The following FOXP1 variants were observed in gnomAD, a reference collection of about 807,000 sequenced individuals.
FOXP1 encodes forkhead box protein P1.
Under a neutral mutation model 98.2 loss-of-function variants are expected in FOXP1, and 15 were observed. The ratio of observed to expected loss-of-function variants is 0.15; its 90% CI spans 0.10 to 0.24. The LOEUF (loss-of-function observed/expected upper bound fraction) is 0.24, where lower values mean the gene tolerates loss of function less well. Ranked by LOEUF, FOXP1 falls within the 10% of genes least tolerant of loss-of-function variation. FOXP1 has a pLI of 1.00. For missense variants in FOXP1, 633 were observed against 848.5 expected (o/e 0.75, Z 3.15); for synonymous variants, 371 against 314.5 (o/e 1.18, Z -1.90).
chr3:71,020,353 T>C (rs1486273215), intron 11 of FOXP1, among the ~76,000 whole-genome samples: 1 of 152,214 alleles, frequency 6.6e-6, no homozygotes, highest in African/African-American at 2.4e-5. Flanking sequence ...TTCTATTTAT[T>C]TTTTTCTGCA....
At chr3:70,979,426 T>C (rs947108092) in intron 14 of FOXP1, among the ~76,000 whole-genome samples, 6 of 151,772 alleles carry the variant, frequency 4.0e-5, no homozygotes, top group Admixed American at 2.0e-4. Context: ...CCAAAATTTG[T>C]TGCAACAGAA....
intron 11 of FOXP1, among the ~76,000 whole-genome samples, chr3:71,037,662 A>C (rs1165738702): frequency 1.3e-5 from 2 of 152,210 alleles, no homozygotes; most frequent in Non-Finnish European, 2.9e-5. Flanking sequence ...CAATGAATTT[A>C]TATACAATCA....
intron 2 of FOXP1, among the ~76,000 whole-genome samples, chr3:71,524,541 A>T (rs867297502): frequency 8.2e-4 from 19 of 23,106 alleles, no homozygotes; most frequent in Non-Finnish European, 1.9e-3. Flanking sequence ...ATAAATCTTA[A>T]AAAAAAAAAA....
intron 5 of FOXP1, among the ~76,000 whole-genome samples, chr3:71,251,708 G>A (rs2068202112): frequency 6.6e-6 from 1 of 152,168 alleles, no homozygotes; most frequent in Non-Finnish European, 1.5e-5. Flanking sequence ...TCAACAAAGT[G>A]CGTTGGAGTT....
intron 4 of FOXP1, among the ~76,000 whole-genome samples, chr3:71,317,213 T>C (rs2075130233): frequency 6.6e-6 from 1 of 152,176 alleles, no homozygotes; most frequent in Non-Finnish European, 1.5e-5. Flanking sequence ...CTAAAATATA[T>C]AGGAAAGGAA....
In FOXP1 at chr3:71,262,264, C is replaced by CAAA. The variant is rs71104433; in HGVS notation, c.-12+37553_-12+37555dup. Reference sequence around the variant, plus strand: ...CTGGCAACAGGACAAGACTCTGTCACAAAAAAAAAAAAAAAAAAAAAAAAA... The same window carrying CAAA: ...CTGGCAACAGGACAAGACTCTGTCACAAAAAAAAAAAAAAAAAAAAAAAAAAAA... On this transcript the variant is annotated intron_variant, in intron 5 of 20. Coordinates refer to ENST00000649528, the MANE Select transcript of FOXP1 (RefSeq NM_001349338.3). Among the ~76,000 whole-genome samples the CAAA allele has an allele frequency of 1.6e-3, 42 of 25,712 alleles. 11 individuals are homozygous for CAAA. Among genetic ancestry groups the CAAA allele is most frequent in the Admixed American group, 1.5e-3 (2 of 1,340 alleles). The allele number at this position is 25,712 out of a possible 152,430, so 16.9% of individuals were successfully genotyped here.
intron 12 of FOXP1, among the ~76,000 whole-genome samples, chr3:71,013,737 T>G (rs1477493611): frequency 6.6e-6 from 1 of 152,192 alleles, no homozygotes; most frequent in East Asian, 1.9e-4. Flanking sequence ...TCACACTACC[T>G]GACTTCAAAC....
intron 4 of FOXP1, among the ~76,000 whole-genome samples, chr3:71,306,652 A>C (rs1388594951): frequency 6.7e-6 from 1 of 150,168 alleles, no homozygotes; most frequent in African/African-American, 2.5e-5. Flanking sequence ...AAAAAAAAAA[A>C]AAAACGCTAC....
chr3:70,966,142 C>T (rs1355136359), intron 19 of FOXP1, 86 bp from the exon 20 acceptor site: 2 of 1,180,944 alleles, frequency 1.7e-6, no homozygotes, highest in East Asian at 4.7e-5. Flanking sequence ...CGATAATCTT[C>T]AGTTTGAGTT....
chr3:70,977,571 T>C, intron 16 of FOXP1, 72 bp downstream of exon 16: 1 of 1,318,726 alleles, frequency 7.6e-7, no homozygotes. Context: ...TTTTTAAATC[T>C]ACTTCATCAA....
intron 6 of FOXP1, among the ~76,000 whole-genome samples, chr3:71,193,154 T>G (rs1264422887): frequency 6.7e-6 from 1 of 150,036 alleles, no homozygotes; most frequent in African/African-American, 2.5e-5. Context: ...TGTTTATTTG[T>G]GTTTTTTTTT....
chr3:71,146,083 T>C (rs1010503320), intron 6 of FOXP1, among the ~76,000 whole-genome samples: 2 of 152,114 alleles, frequency 1.3e-5, no homozygotes, highest in African/African-American at 4.8e-5. Context: ...GGGCCCAGCG[T>C]CTTGAGTGCA....
intron 7 of FOXP1, among the ~76,000 whole-genome samples, chr3:71,098,022 T>A (rs577205467): frequency 6.6e-6 from 1 of 152,220 alleles, no homozygotes; most frequent in African/African-American, 2.4e-5. Context: ...GTAGGCTGCA[T>A]TTAACATTAG....
At chr3:71,583,018 C>G (rs1329019500) in intron 1 of FOXP1, among the ~76,000 whole-genome samples, 2 of 152,016 alleles carry the variant, frequency 1.3e-5, no homozygotes, top group Non-Finnish European at 2.9e-5. Flanking sequence ...AACTTTGGGC[C>G]TAGGAGGCGC....
rs78748570 is a variant in FOXP1 at position 71,147,859 on chromosome 3, C to T, written c.181-35222G>A. Among the ~76,000 whole-genome samples, 972 of 151,800 alleles carry T rather than the reference C, an allele frequency of 6.4e-3. 70 individuals carry two copies. In the East Asian group the frequency reaches 0.14, roughly 22 times the overall value. On this transcript the variant is annotated intron_variant, in intron 6 of 20. Coordinates refer to ENST00000649528, the MANE Select transcript of FOXP1 (RefSeq NM_001349338.3). ...GGGAATGCATTTTCAAATGTAATTA[C>T]GAAAAATTTAGGAACCATAAAGAAA...
intron 3 of FOXP1, among the ~76,000 whole-genome samples, chr3:71,437,040 C>G (rs1283097614): frequency 6.6e-6 from 1 of 152,098 alleles, no homozygotes; most frequent in Non-Finnish European, 1.5e-5. Context: ...CTTGGTATTA[C>G]CATTCTGAAA....
intron 5 of FOXP1, among the ~76,000 whole-genome samples, chr3:71,257,157 G>A (rs2068694286): frequency 6.6e-6 from 1 of 152,152 alleles, no homozygotes; most frequent in Non-Finnish European, 1.5e-5. Flanking sequence ...GTGCTTCTTT[G>A]TTATGGGTGC....
At chr3:71,524,658 A>G (rs1244912218) in intron 2 of FOXP1, among the ~76,000 whole-genome samples, 1 of 152,234 alleles carries the variant, frequency 6.6e-6, no homozygotes, top group African/African-American at 2.4e-5. Context: ...GTAAAATATT[A>G]AACTGTTTAC....
chr3:71,212,148 T>A (rs1576403695), intron 5 of FOXP1, among the ~76,000 whole-genome samples: 1 of 152,120 alleles, frequency 6.6e-6, no homozygotes, highest in East Asian at 1.9e-4. Flanking sequence ...CTTGGCTTTA[T>A]CAGAAGGATT....
Sources: gnomAD v4.1 joint callset for allele counts (sites outside exome capture counted in the v4.1 genomes callset) on GRCh38, gnomAD v4.1.1 for gene constraint, MANE v1.5 for transcripts, NCBI Gene and HGNC (gene_info 2026-07-23, HGNC 2026-07-21) for gene names.